ITPR1: variants seen among roughly 807,000 people sequenced by gnomAD.
ITPR1 encodes the protein inositol 1,4,5-trisphosphate-gated calcium channel ITPR1.
ITPR1 carries 96 observed loss-of-function variants against 318.4 expected under a neutral mutation model. That is an observed-to-expected ratio of 0.30 (90% CI 0.26 to 0.36). ITPR1 has a LOEUF of 0.36. Among genes scored for constraint, ITPR1 ranks in the 10% least tolerant of loss-of-function variants. ITPR1 has a pLI of 1.00. For missense variants in ITPR1, 2,440 were observed against 3,460.2 expected, an observed-to-expected ratio of 0.71 and a Z score of 7.40; for synonymous variants, 1,312 against 1,289.9, an observed-to-expected ratio of 1.02 and a Z score of -0.37.
At chr3:4,834,858 G>A (rs958711055) in intron 60 of ITPR1, among the ~76,000 whole-genome samples, 1 of 152,148 alleles carries the variant, frequency 6.6e-6, no homozygotes, top group African/African-American at 2.4e-5. Flanking sequence ...ATAAGCTAAT[G>A]TTAAGACACA....
chr3:4,582,976 T>C (rs1322419174), intron 4 of ITPR1, among the ~76,000 whole-genome samples: 2 of 152,188 alleles, frequency 1.3e-5, no homozygotes, highest in South Asian at 2.1e-4. Flanking sequence ...AGATTTTCCT[T>C]CTTTCTTTCT....
intron 44 of ITPR1, among the ~76,000 whole-genome samples, chr3:4,748,072 G>A (rs969554344): frequency 6.6e-6 from 1 of 152,240 alleles, no homozygotes; most frequent in Non-Finnish European, 1.5e-5. Flanking sequence ...CGTGGAGCCA[G>A]TAGGTACTCT....
intron 20 of ITPR1, among the ~76,000 whole-genome samples, chr3:4,671,289 A>C (rs990881370): frequency 1.5e-4 from 23 of 152,152 alleles, no homozygotes; most frequent in Admixed American, 4.6e-4. Flanking sequence ...TTATGCTCTA[A>C]TTTCTTTATC....
Position 4,660,972 on chromosome 3 carries a change from C to CT in ITPR1, c.1152-10dup, listed in dbSNP as rs768199360. The CT allele has an allele frequency of 1.9e-5, 27 of 1,422,632 alleles. No homozygotes were observed. The highest frequency in any genetic ancestry group is 2.6e-5 in the Non-Finnish European group (27 of 1,019,414). 88.1% of individuals were successfully genotyped at this position (1,422,632 alleles called of 1,614,324 possible). On this transcript the variant is annotated splice_polypyrimidine_tract_variant and intron_variant, in intron 13 of 61. Coordinates refer to ENST00000649015, the MANE Select transcript of ITPR1 (RefSeq NM_001378452.1). ...CAATATTTATTTCCCTAAAACCCTC[C>CT]TTTTTTCCCTGTTAGGAACTCTTAT... is the stretch of plus-strand genomic sequence containing the variant.
chr3:4,840,029 C>CTTTT (rs56096727), intron 61 of ITPR1, among the ~76,000 whole-genome samples: 1,629 of 104,272 alleles, frequency 0.016, 199 homozygotes, highest in East Asian at 0.021. Context: ...AGCATAGCTG[C>CTTTT]TTTTTTTTTT....
At position 4,838,768 on chromosome 3, in the gene ITPR1, G is replaced by C. The variant is rs191843720; in HGVS notation, c.8190+1833G>C. Among the ~76,000 whole-genome samples, 26 of 152,238 alleles carry C rather than the reference G, an allele frequency of 1.7e-4. No homozygotes were observed. In the East Asian group the frequency reaches 5.0e-3, roughly 29 times the overall value. ...CATTGTCACACTTGGAGGCTCTTTG[G>C]GGGTATGTTTCAGTTGATCTGAGAA... On this transcript the variant is annotated intron_variant, in intron 61 of 61. Transcript: ENST00000649015.
intron 39 of ITPR1, among the ~76,000 whole-genome samples, chr3:4,716,810 G>C (rs1380310306): frequency 6.6e-6 from 1 of 152,138 alleles, no homozygotes; most frequent in Non-Finnish European, 1.5e-5. Flanking sequence ...ACTTGAGTTG[G>C]CACTAATCAT....
intron 4 of ITPR1, among the ~76,000 whole-genome samples, chr3:4,552,775 G>GT (rs1352876909): frequency 3.3e-5 from 5 of 152,112 alleles, no homozygotes; most frequent in Admixed American, 2.6e-4. Flanking sequence ...ATCCTGCCTT[G>GT]TTTTTTTCTG....
At chr3:4,493,951 T>C (rs1395669312) in intron 1 of ITPR1, among the ~76,000 whole-genome samples, 1 of 141,396 alleles carries the variant, frequency 7.1e-6, no homozygotes, top group Non-Finnish European at 1.5e-5. Context: ...CTCAAGGAAA[T>C]AATCTTTCTA....
chr3:4,559,731 A>G (rs2086486286), intron 4 of ITPR1, among the ~76,000 whole-genome samples: 2 of 152,246 alleles, frequency 1.3e-5, no homozygotes, highest in South Asian at 4.1e-4. Flanking sequence ...ATTTTTATCC[A>G]TACCACACAC....
At chr3:4,771,611 A>T (rs912201744) in intron 46 of ITPR1, among the ~76,000 whole-genome samples, 1 of 152,148 alleles carries the variant, frequency 6.6e-6, no homozygotes, top group Non-Finnish European at 1.5e-5. Flanking sequence ...CGTTGAATCA[A>T]TGCCCTGGGA....
chr3:4,766,541 C>T lies in ITPR1; in HGVS notation c.5556C>T (p.Phe1852=), dbSNP rs1365263575. 6 of 1,613,540 alleles carry T rather than the reference C, an allele frequency of 3.7e-6. No homozygotes were observed. The highest frequency in any genetic ancestry group is 5.1e-6 in the Non-Finnish European group (6 of 1,179,634). Residue 1852 remains phenylalanine (F), a synonymous_variant, in exon 45 of 62, where the codon TTC becomes TTT. Transcript: ENST00000649015. ...GGNTTIQHSF[F]CRLTEDKKSE... ...ATTTTCCTTTGCAGCACTCCTTTTTCTGTCGCTTGACAGAAGATAAGAAGT... is the reference window on the plus strand; with the variant it reads ...ATTTTCCTTTGCAGCACTCCTTTTTTTGTCGCTTGACAGAAGATAAGAAGT...
chr3:4,604,284 T>C (rs987236623), intron 4 of ITPR1, among the ~76,000 whole-genome samples: 1 of 152,166 alleles, frequency 6.6e-6, no homozygotes, highest in Non-Finnish European at 1.5e-5. Context: ...GCTGGACCTA[T>C]GCTTGTGGGC....
chr3:4,634,074 G>C (rs112318608), intron 5 of ITPR1, among the ~76,000 whole-genome samples: 5 of 152,230 alleles, frequency 3.3e-5, no homozygotes, highest in African/African-American at 1.2e-4. Flanking sequence ...GAATAATAGT[G>C]GTGGAACCAT....
intron 3 of ITPR1, among the ~76,000 whole-genome samples, chr3:4,520,696 T>C (rs1273519486): frequency 1.5e-4 from 23 of 152,238 alleles, no homozygotes; most frequent in Admixed American, 1.5e-3. Context: ...GCTCCTCAGC[T>C]ACCCTTAGTT....
chr3:4,735,406 A>G, intron 44 of ITPR1, 52 bp downstream of exon 44: 1 of 1,488,974 alleles, frequency 6.7e-7, no homozygotes, highest in South Asian at 1.1e-5. Context: ...GCAGGAGGAG[A>G]GTCTGTTCTG....
intron 46 of ITPR1, among the ~76,000 whole-genome samples, chr3:4,770,367 G>T (rs2046109342): frequency 6.6e-6 from 1 of 152,202 alleles, no homozygotes; most frequent in Non-Finnish European, 1.5e-5. Flanking sequence ...AGAGAAGCCT[G>T]CAACGTTAAT....
At position 4,626,631 on chromosome 3, in the gene ITPR1, T is replaced by C. The variant is rs575416512; in HGVS notation, c.164-1132T>C. The stretch of plus-strand genomic sequence containing the variant: ...ATGTTGGTTATACCACATAAGACAA[T>C]GTATAAAGTTGTATAAACCGAGGCA... On this transcript the variant is annotated intron_variant, in intron 4 of 61. Coordinates refer to ENST00000649015, the MANE Select transcript of ITPR1 (RefSeq NM_001378452.1). Among the ~76,000 whole-genome samples the C allele has an allele frequency of 6.6e-5, 10 of 152,220 alleles. No individual in the cohort carries two copies. In the South Asian group the frequency reaches 2.1e-3, roughly 32 times the overall value.
intron 10 of ITPR1, among the ~76,000 whole-genome samples, chr3:4,647,137 G>A (rs1203836452): frequency 6.6e-6 from 1 of 151,844 alleles, no homozygotes; most frequent in Non-Finnish European, 1.5e-5. Context: ...TATAAATGGA[G>A]TCATACAGTA....
Sources: gnomAD v4.1 joint callset for allele counts (sites outside exome capture counted in the v4.1 genomes callset) on GRCh38, gnomAD v4.1.1 for gene constraint, MANE v1.5 for transcripts, NCBI Gene and HGNC (gene_info 2026-07-23, HGNC 2026-07-21) for gene names.